The following NRXN1 variants were observed in gnomAD, a reference collection of about 807,000 sequenced individuals.
The protein encoded by NRXN1 is neurexin-1.
In NRXN1, 39 loss-of-function variants were observed where a neutral mutation model predicts 150.9. That is an observed-to-expected ratio of 0.26 (90% CI 0.20 to 0.34). The LOEUF (loss-of-function observed/expected upper bound fraction) is 0.34, where lower values mean the gene tolerates loss of function less well. Among genes scored for constraint, NRXN1 ranks in the 10% least tolerant of loss-of-function variants. The pLI, the probability that NRXN1 is intolerant of heterozygous loss-of-function variation, is 1.00. For synonymous variants in NRXN1, 924 were observed against 757.0 expected (o/e 1.22, Z -3.62); for missense variants, 1,815 against 1,949.9 (o/e 0.93, Z 1.30).
chr2:50,600,122 A>G (rs1261153533), intron 8 of NRXN1, among the ~76,000 whole-genome samples: 2 of 152,150 alleles, frequency 1.3e-5, no homozygotes, highest in African/African-American at 2.4e-5. Context: ...ATCTAAAAAT[A>G]AAAGCCTGAG....
At chr2:50,732,144 G>A (rs1047581966) in intron 5 of NRXN1, among the ~76,000 whole-genome samples, 2 of 152,016 alleles carry the variant, frequency 1.3e-5, no homozygotes, top group African/African-American at 2.4e-5. Flanking sequence ...AGGTAGAAAG[G>A]TAAATATTTT....
At chr2:50,625,179 A>G (rs1410148865) in intron 5 of NRXN1, among the ~76,000 whole-genome samples, 1 of 151,980 alleles carries the variant, frequency 6.6e-6, no homozygotes, top group Admixed American at 6.6e-5. Context: ...TTGATTGTCA[A>G]ATAACTCACG....
chr2:50,861,847 T>C (rs1170047371), intron 5 of NRXN1, among the ~76,000 whole-genome samples: 2 of 152,078 alleles, frequency 1.3e-5, no homozygotes, highest in African/African-American at 4.8e-5. Context: ...CTAGCAGTTA[T>C]AAGTGTATTA....
chr2:50,324,299 GAGAGAAA>G, intron 17 of NRXN1, among the ~76,000 whole-genome samples: 1 of 152,278 alleles, frequency 6.6e-6, no homozygotes, highest in Non-Finnish European at 1.5e-5. Context: ...CATGGCAAGA[GAGAGAAA>G]AATGAATTAA....
intron 5 of NRXN1, among the ~76,000 whole-genome samples, chr2:50,755,793 T>G (rs1701098469): frequency 6.6e-6 from 1 of 151,870 alleles, no homozygotes; most frequent in South Asian, 2.1e-4. Flanking sequence ...CAGTTGTTCT[T>G]TAATTGTAGG....
intron 16 of NRXN1, 29 bp downstream of exon 16, chr2:50,472,269 T>G (rs754285880): frequency 6.6e-7 from 1 of 1,506,810 alleles, no homozygotes; most frequent in African/African-American, 1.4e-5. Context: ...ATTAGAATTA[T>G]TTAGAGCATG....
intron 5 of NRXN1, among the ~76,000 whole-genome samples, chr2:50,906,472 T>C (rs534244127): frequency 1.3e-5 from 2 of 152,250 alleles, no homozygotes; most frequent in South Asian, 2.1e-4. Flanking sequence ...TACTTATTTT[T>C]CACCTCTGAT....
At chr2:50,522,627 T>G (rs1389344717) in intron 12 of NRXN1, among the ~76,000 whole-genome samples, 1 of 151,916 alleles carries the variant, frequency 6.6e-6, no homozygotes, top group African/African-American at 2.4e-5. Flanking sequence ...CATCTAAATA[T>G]GCAATGAAAG....
chr2:50,625,396 A>C (rs562136158), intron 5 of NRXN1, among the ~76,000 whole-genome samples: 1 of 152,250 alleles, frequency 6.6e-6, no homozygotes, highest in South Asian at 2.1e-4. Flanking sequence ...ACTATCAGTC[A>C]GACCAAATAA....
rs535870927 is a variant in NRXN1 at position 50,575,337 on chromosome 2, T to G, written c.1321-22312A>C. On this transcript the variant is annotated intron_variant, in intron 8 of 22. Coordinates refer to ENST00000401669, the MANE Select transcript of NRXN1 (RefSeq NM_001330078.2). ...CAGCCCTGAAATTCAGTTGTGGGCATAAGCCCTGGTGCTGGGCTGCATCTT... is the reference window on the plus strand; with the variant it reads ...CAGCCCTGAAATTCAGTTGTGGGCAGAAGCCCTGGTGCTGGGCTGCATCTT... Among the ~76,000 whole-genome samples the G allele has an allele frequency of 2.6e-5, 4 of 152,300 alleles. No homozygotes were observed. The South Asian group carries it at 8.3e-4, about 32-fold the overall frequency.
intron 5 of NRXN1, among the ~76,000 whole-genome samples, chr2:50,687,480 C>G (rs1446545889): frequency 6.6e-6 from 1 of 152,100 alleles, no homozygotes; most frequent in African/African-American, 2.4e-5. Flanking sequence ...CCCTCAACGT[C>G]AGGCTTTCAG....
At chr2:50,394,167 C>T (rs1247526988) in intron 17 of NRXN1, among the ~76,000 whole-genome samples, 1 of 152,080 alleles carries the variant, frequency 6.6e-6, no homozygotes, top group African/African-American at 2.4e-5. Flanking sequence ...CATCTAAACT[C>T]CCTTTCTGGG....
chr2:50,301,597 A>G (rs2074155060), intron 17 of NRXN1, among the ~76,000 whole-genome samples: 1 of 152,156 alleles, frequency 6.6e-6, no homozygotes, highest in Non-Finnish European at 1.5e-5. Context: ...ATCAATTTAG[A>G]TGGTAAGCAA....
At chr2:50,070,042 G>C (rs755857044) in intron 19 of NRXN1, among the ~76,000 whole-genome samples, 1 of 151,822 alleles carries the variant, frequency 6.6e-6, no homozygotes, top group Non-Finnish European at 1.5e-5. Context: ...AGTAGAGACG[G>C]GTTTTCACCG....
intron 21 of NRXN1, among the ~76,000 whole-genome samples, chr2:50,052,425 T>C (rs561693599): frequency 1.8e-4 from 28 of 152,220 alleles, no homozygotes; most frequent in African/African-American, 6.7e-4. Flanking sequence ...CCAACAGGAA[T>C]CTAATGGCAT....
chr2:50,309,598 T>C (rs1276165600), intron 17 of NRXN1, among the ~76,000 whole-genome samples: 1 of 152,190 alleles, frequency 6.6e-6, no homozygotes, highest in Non-Finnish European at 1.5e-5. Context: ...GCAGTCCCCA[T>C]GATGGAAACT....
chr2:50,572,173 C>G (rs1670764586), intron 8 of NRXN1, among the ~76,000 whole-genome samples: 1 of 152,146 alleles, frequency 6.6e-6, no homozygotes, highest in Non-Finnish European at 1.5e-5. Flanking sequence ...AATCTTGAGC[C>G]TGAAGGCAAC....
intron 2 of NRXN1, among the ~76,000 whole-genome samples, chr2:50,926,211 C>A (rs1157454217): frequency 6.6e-6 from 1 of 151,904 alleles, no homozygotes; most frequent in Non-Finnish European, 1.5e-5. Context: ...AAAAATCTTT[C>A]AACTACCCAG....
At chr2:50,785,074 G>A (rs909029646) in intron 5 of NRXN1, among the ~76,000 whole-genome samples, 60 of 152,044 alleles carry the variant, frequency 3.9e-4, no homozygotes, top group Middle Eastern at 3.4e-3. Context: ...TCCAAGAAGA[G>A]GAAGAGACAC....
Sources: gnomAD v4.1 joint callset for allele counts (sites outside exome capture counted in the v4.1 genomes callset) on GRCh38, gnomAD v4.1.1 for gene constraint, MANE v1.5 for transcripts, NCBI Gene and HGNC (gene_info 2026-07-23, HGNC 2026-07-21) for gene names.